The following TRPM5 variants were observed in gnomAD, a reference collection of about 807,000 sequenced individuals.
TRPM5 encodes transient receptor potential cation channel subfamily M member 5.
In TRPM5, 121 loss-of-function variants were observed where a neutral mutation model predicts 124.9. That is an observed-to-expected ratio of 0.97 (90% confidence interval 0.84 to 1.13). The LOEUF (loss-of-function observed/expected upper bound fraction) is 1.13, where lower values mean the gene tolerates loss of function less well. Among genes scored for constraint, TRPM5 ranks in the 50% most tolerant of loss-of-function variants. The probability of loss-of-function intolerance (pLI) is 0.00; values close to 1 mark genes in which losing one functional copy is unlikely to be tolerated. For missense variants in TRPM5, 1,643 were observed against 1,589.1 expected, an observed-to-expected ratio of 1.03 and a Z score of -0.58; for synonymous variants, 781 against 700.5, an observed-to-expected ratio of 1.11 and a Z score of -1.81.
chr11:2,440,961 G>C, the TRPM5 span, among the ~76,000 whole-genome samples: 1 of 152,308 alleles, frequency 6.6e-6, no homozygotes, highest in East Asian at 1.9e-4. The surrounding 1 kb of genome is among the most constrained non-coding windows in gnomAD (Gnocchi z 5.2). Context: ...CCCACTGTGG[G>C]CCTCTGACCC....
chr11:2,406,754 G>A (rs1304180683), exon 21 of TRPM5: 2 of 1,613,404 alleles, frequency 1.2e-6, no homozygotes, highest in Admixed American at 1.7e-5. Context: ...TGTCTCCCAG[G>A]TGACGACCTT....
chr11:2,405,610 C>T lies in TRPM5; in HGVS notation c.3325-17G>A, dbSNP rs112163550. On this transcript the variant is annotated splice_polypyrimidine_tract_variant and intron_variant, in intron 22 of 23. Coordinates refer to ENST00000155858, the Ensembl canonical transcript of TRPM5. ...GTAGTTGATCTGGAGAAGGGAAACACGTCCGGGAAGCTCCAGGGCTCTCTC... is the reference window on the plus strand; with the variant it reads ...GTAGTTGATCTGGAGAAGGGAAACATGTCCGGGAAGCTCCAGGGCTCTCTC... 5.1e-5 allele frequency: 80 copies of T among 1,555,208 alleles called. No individual in the cohort carries two copies. The Admixed American group carries it at 8.4e-4, about 16-fold the overall frequency.
At chr11:2,415,953 C>T (rs761054374) in exon 8 of TRPM5, 30 of 1,581,054 alleles carry the variant, frequency 1.9e-5, no homozygotes, top group Middle Eastern at 1.7e-4. Flanking sequence ...GCGATGTCCA[C>T]GCGGTCCCAG....
At chr11:2,404,815 A>G (rs1440694754) in exon 24 of TRPM5, 13 of 742,086 alleles carry the variant, frequency 1.8e-5, no homozygotes, top group Non-Finnish European at 2.7e-5. Flanking sequence ...CAGGAGGGCC[A>G]TTGTCTGCTG....
At chr11:2,409,285 C>G (rs938619344) in intron 18 of TRPM5, among the ~76,000 whole-genome samples, 8 of 152,258 alleles carry the variant, frequency 5.3e-5, no homozygotes, top group Non-Finnish European at 1.0e-4. Context: ...CTGATGACCC[C>G]CTCTCCTCCC....
chr11:2,409,538 G>A (rs1850400102), intron 18 of TRPM5, among the ~76,000 whole-genome samples: 1 of 152,232 alleles, frequency 6.6e-6, no homozygotes, highest in South Asian at 2.1e-4. Flanking sequence ...GAGTGGGGCA[G>A]GGGTCTGTTC....
chr11:2,406,116 C>G (rs765135912), intron 21 of TRPM5, 25 bp from the exon 27 acceptor site: 1 of 1,609,682 alleles, frequency 6.2e-7, no homozygotes, highest in Admixed American at 1.7e-5. Flanking sequence ...GGTGGTCAGG[C>G]TGTGGATGGC....
chr11:2,437,977 A>T, the TRPM5 span, among the ~76,000 whole-genome samples: 1 of 152,222 alleles, frequency 6.6e-6, no homozygotes, highest in Non-Finnish European at 1.5e-5. The surrounding 1 kb of genome is among the most constrained non-coding windows in gnomAD (Gnocchi z 5.6). Flanking sequence ...AACACATCAA[A>T]AAATTAATTC....
chr11:2,422,444 C>G (rs1845786510), intron 1 of TRPM5, 123 bp from the exon 7 acceptor site: 1 of 616,714 alleles, frequency 1.6e-6, no homozygotes, highest in Non-Finnish European at 2.5e-6. Flanking sequence ...ACACTGGGCA[C>G]TGGGAGGTGC....
intron 7 of TRPM5, among the ~76,000 whole-genome samples, chr11:2,416,839 T>C (rs1043686126): frequency 6.6e-5 from 10 of 152,332 alleles, no homozygotes; most frequent in Middle Eastern, 3.4e-3. Context: ...CATCAAAATT[T>C]TCCATCAGCG....
intron 22 of TRPM5, 39 bp from the exon 28 acceptor site, chr11:2,405,632 T>C: frequency 2.6e-6 from 4 of 1,549,094 alleles, no homozygotes; most frequent in South Asian, 2.4e-5. Flanking sequence ...TCCAGGGCTC[T>C]CTCAGGACAG....
the TRPM5 span, among the ~76,000 whole-genome samples, chr11:2,436,637 G>A: frequency 7.9e-5 from 12 of 152,244 alleles, no homozygotes; most frequent in Non-Finnish European, 8.8e-5. Flanking sequence ...CTGGGGGTGG[G>A]AAGCTTGGCG....
intron 22 of TRPM5, 100 bp from the exon 28 acceptor site, chr11:2,405,693 G>A: frequency 7.8e-7 from 1 of 1,287,800 alleles, no homozygotes; most frequent in Non-Finnish European, 1.1e-6. Flanking sequence ...GGCCCCCGCT[G>A]CCCTGTGACT....
At chr11:2,428,282 C>T in the TRPM5 span, among the ~76,000 whole-genome samples, 2 of 152,176 alleles carry the variant, frequency 1.3e-5, no homozygotes, top group Non-Finnish European at 2.9e-5. The surrounding 1 kb of genome is among the most constrained non-coding windows in gnomAD (Gnocchi z 4.0). Context: ...ACCCCCTGTT[C>T]GGGGCCCCTC....
At chr11:2,415,711 C>T (rs891189707) in intron 8 of TRPM5, among the ~76,000 whole-genome samples, 195 bp downstream of exon 13, 1 of 152,220 alleles carries the variant, frequency 6.6e-6, no homozygotes, top group African/African-American at 2.4e-5. Context: ...GGACAGCCGG[C>T]ACCCAGCCAG....
At chr11:2,422,408 A>C (rs2133536546) in intron 1 of TRPM5, 87 bp from the exon 7 acceptor site, 48 of 677,536 alleles carry the variant, frequency 7.1e-5, no homozygotes, top group East Asian at 1.2e-4. Flanking sequence ...ACAAGGGGGC[A>C]CTGGGGAGGT....
exon 15 of TRPM5, chr11:2,412,804 C>A (rs764378525): frequency 6.2e-7 from 1 of 1,606,910 alleles, no homozygotes; most frequent in African/African-American, 1.3e-5. Context: ...TAGAGGGTGA[C>A]CTCGGGCCCT....
chr11:2,404,834 G>T (rs1850280193), exon 24 of TRPM5: 1 of 914,012 alleles, frequency 1.1e-6, no homozygotes, highest in Non-Finnish European at 1.7e-6. Flanking sequence ...TGGGGGGCTG[G>T]TGCCCCCTGG....
exon 15 of TRPM5, chr11:2,412,810 G>A: frequency 6.2e-7 from 1 of 1,604,154 alleles, no homozygotes; most frequent in Non-Finnish European, 8.5e-7. Context: ...GTGACCTCGG[G>A]CCCTGAGGGG....
Sources: gnomAD v4.1 joint callset for allele counts (sites outside exome capture counted in the v4.1 genomes callset) on GRCh38, gnomAD v4.1.1 for gene constraint, Gnocchi (gnomAD v3.1) non-coding constraint, MANE v1.5 for transcripts, NCBI Gene and HGNC (gene_info 2026-07-23, HGNC 2026-07-21) for gene names.